METTL8: variants seen among roughly 807,000 people sequenced by gnomAD.
METTL8 encodes methyltransferase 8, tRNA N3-cytidine, also known as tRNA N(3)-cytidine methyltransferase METTL8, mitochondrial.
A neutral mutation model predicts 48.7 loss-of-function variants in METTL8; 32 were observed. That is an observed-to-expected ratio of 0.66 (90% confidence interval 0.50 to 0.88). METTL8 has a LOEUF of 0.88. Ranked by LOEUF, METTL8 falls within the 40% of genes least tolerant of loss-of-function variation. METTL8 has a pLI of 0.00. For missense variants in METTL8, 464 were observed against 474.4 expected, an observed-to-expected ratio of 0.98 and a Z score of 0.20; for synonymous variants, 136 against 157.1, an observed-to-expected ratio of 0.87 and a Z score of 1.01.
chr2:171,390,785 T>G (rs1345649877), intron 2 of METTL8, among the ~76,000 whole-genome samples: 3 of 152,218 alleles, frequency 2.0e-5, no homozygotes, highest in African/African-American at 7.2e-5. Context: ...GTGAAGACAG[T>G]GTGAACACTG....
rs1000440256 is a variant in METTL8, at chr2:171,318,089, G to A, written c.*6083C>T. The A allele has an allele frequency of 1.3e-5, 2 of 152,212 alleles. No homozygotes were observed. Among genetic ancestry groups the A allele is most frequent in the Admixed American group, 1.3e-4 (2 of 15,282 alleles). 9.4% of individuals were successfully genotyped at this position (152,212 alleles called of 1,614,324 possible). On this transcript the variant is annotated 3_prime_UTR_variant, in exon 10 of 10. Transcript: ENST00000375258. Reference sequence around the variant, plus strand: ...CTCTTCCTTGTCATTTAAGACATATGTTAATGAAAGACAGATTTTGGCATC... The same window carrying A: ...CTCTTCCTTGTCATTTAAGACATATATTAATGAAAGACAGATTTTGGCATC...
At chr2:171,389,009 A>C (rs1040699021) in intron 2 of METTL8, among the ~76,000 whole-genome samples, 1 of 152,162 alleles carries the variant, frequency 6.6e-6, no homozygotes, top group Non-Finnish European at 1.5e-5. Context: ...TCCCTGAGAC[A>C]AAACAATAAT....
intron 1 of METTL8, among the ~76,000 whole-genome samples, chr2:171,394,254 C>G (rs751737929): frequency 6.6e-6 from 1 of 152,112 alleles, no homozygotes; most frequent in Non-Finnish European, 1.5e-5. Flanking sequence ...TTGATTACAC[C>G]TAGAAAGAGA....
intron 2 of METTL8, among the ~76,000 whole-genome samples, chr2:171,362,005 A>C (rs549342906): frequency 5.3e-5 from 8 of 152,312 alleles, no homozygotes; most frequent in African/African-American, 1.9e-4. Flanking sequence ...GAGCAAATTC[A>C]TGTCACTCAG....
At chr2:171,360,748 C>G (rs1265408289) in intron 2 of METTL8, among the ~76,000 whole-genome samples, 1 of 152,218 alleles carries the variant, frequency 6.6e-6, no homozygotes, top group Non-Finnish European at 1.5e-5. Context: ...CCAGCTACCT[C>G]TGGGAAACGG....
At chr2:171,407,000 C>A (rs919661149) in intron 1 of METTL8, among the ~76,000 whole-genome samples, 7 of 151,606 alleles carry the variant, frequency 4.6e-5, no homozygotes, top group Non-Finnish European at 8.8e-5. Context: ...GTTTGTGGGG[C>A]GAAATATTTG....
At position 171,358,306 on chromosome 2, in the gene METTL8, C is replaced by G. The variant is rs142105223; in HGVS notation, c.235+2116G>C. Among the ~76,000 whole-genome samples, 290 of 150,602 alleles carry G rather than the reference C, an allele frequency of 1.9e-3. 7 individuals are homozygous for G. In the East Asian group the frequency reaches 0.029, roughly 15 times the overall value. ...GCAGAGGTTGCAGTGAGCTGAGATC[C>G]TGCCATTGCACTCCAGCCTGGGCAA... On this transcript the variant is annotated intron_variant, in intron 3 of 9. Transcript: ENST00000375258.
chr2:171,431,728 G>A (rs991084678), intron 1 of METTL8, among the ~76,000 whole-genome samples: 1 of 152,232 alleles, frequency 6.6e-6, no homozygotes, highest in Non-Finnish European at 1.5e-5. Flanking sequence ...AGCAGGGCGG[G>A]GGGCCAGGCC....
At chr2:171,361,759 C>A (rs1035800346) in intron 2 of METTL8, among the ~76,000 whole-genome samples, 5 of 152,128 alleles carry the variant, frequency 3.3e-5, no homozygotes, top group African/African-American at 1.2e-4. Context: ...AACTATTAGT[C>A]TATTATTTTC....
chr2:171,331,545 T>C (rs1685532168), intron 6 of METTL8, among the ~76,000 whole-genome samples: 1 of 151,860 alleles, frequency 6.6e-6, no homozygotes, highest in Non-Finnish European at 1.5e-5. Context: ...GCCTCCCAAA[T>C]AGCTGGAACT....
chr2:171,376,195 ATTCC>A (rs1289978805), intron 2 of METTL8, among the ~76,000 whole-genome samples: 1 of 152,128 alleles, frequency 6.6e-6, no homozygotes, highest in Non-Finnish European at 1.5e-5. Context: ...TCTTGTATTT[ATTCC>A]CAAATTCACA....
intron 2 of METTL8, chr2:171,374,977 A>T: frequency 8.8e-7 from 1 of 1,132,758 alleles, no homozygotes; most frequent in South Asian, 1.2e-5. Context: ...CACAGGTCTA[A>T]ATCAGGGTGG....
At chr2:171,411,130 A>C (rs1690708450) in intron 1 of METTL8, among the ~76,000 whole-genome samples, 1 of 152,254 alleles carries the variant, frequency 6.6e-6, no homozygotes, top group Admixed American at 6.5e-5. Context: ...ACAACTGTAC[A>C]GAGGGACATG....
At chr2:171,378,682 G>C (rs1285680880) in intron 2 of METTL8, among the ~76,000 whole-genome samples, 1 of 151,888 alleles carries the variant, frequency 6.6e-6, no homozygotes, top group Non-Finnish European at 1.5e-5. Context: ...TAATGGTAAA[G>C]GGATCAATTC....
At position 171,334,672 on chromosome 2, in the gene METTL8, G is replaced by A. The variant is rs141216667; in HGVS notation, c.656+2781C>T. On this transcript the variant is annotated intron_variant, in intron 5 of 9. Coordinates refer to ENST00000375258, the MANE Select transcript of METTL8 (RefSeq NM_001321154.2). Reference sequence around the variant, plus strand: ...CCTTTAAAAGATGAATTAATTATCTGAGGTTATTGAGCTACAGTAATTTCT... The same window carrying A: ...CCTTTAAAAGATGAATTAATTATCTAAGGTTATTGAGCTACAGTAATTTCT... Among the ~76,000 whole-genome samples the A allele has an allele frequency of 2.0e-3, 305 of 152,286 alleles. 6 individuals are homozygous for A. The highest frequency in any genetic ancestry group is 0.015 in the Admixed American group (228 of 15,288).
chr2:171,367,951 T>C (rs1463678100), intron 2 of METTL8, among the ~76,000 whole-genome samples: 2 of 152,194 alleles, frequency 1.3e-5, no homozygotes, highest in Non-Finnish European at 2.9e-5. Context: ...TGTGTTTTGC[T>C]CTTTCACTGT....
intron 3 of METTL8, among the ~76,000 whole-genome samples, chr2:171,355,215 G>A (rs1016647632): frequency 6.6e-6 from 1 of 152,198 alleles, no homozygotes; most frequent in African/African-American, 2.4e-5. Context: ...CAGGTCTGTT[G>A]GAATTTGCTG....
intron 5 of METTL8, among the ~76,000 whole-genome samples, chr2:171,333,104 T>TC (rs1296301793): frequency 6.6e-6 from 1 of 151,694 alleles, no homozygotes; most frequent in East Asian, 1.9e-4. Flanking sequence ...TCTTTTCTTT[T>TC]TTTTTTTTGA....
chr2:171,434,470 G>T (rs993244003), upstream of METTL8: 2 of 1,512,340 alleles, frequency 1.3e-6, no homozygotes, highest in Middle Eastern at 2.3e-4. Flanking sequence ...GGGCCCCGCC[G>T]GGAAAGTCTG....
Sources: allele counts gnomAD v4.1 joint callset (sites outside exome capture counted in the v4.1 genomes callset), GRCh38; gene constraint gnomAD v4.1.1; transcripts MANE v1.5; gene names NCBI Gene and HGNC (gene_info 2026-07-23, HGNC 2026-07-21).